RTKN2: variants seen among roughly 807,000 people sequenced by gnomAD.
RTKN2 encodes rhotekin 2, also known as rhotekin-2.
RTKN2 carries 69 observed loss-of-function variants against 71.5 expected under a neutral mutation model. The ratio of observed to expected loss-of-function variants is 0.96; its 90% confidence interval spans 0.79 to 1.18. The LOEUF is 1.18. Ranked by LOEUF, RTKN2 falls within the 50% of genes most tolerant of loss-of-function variation. The pLI is 0.00. For missense variants in RTKN2, 724 were observed against 719.7 expected (o/e 1.01, Z -0.07); for synonymous variants, 236 against 236.5 (o/e 1.00, Z 0.02).
chr10:62,240,432 T>TA lies in RTKN2; in HGVS notation c.371-668dup, dbSNP rs542151300. Among the ~76,000 whole-genome samples the TA allele has an allele frequency of 5.1e-4, 78 of 152,292 alleles. 3 individuals carry two copies. In the East Asian group the frequency reaches 0.011, roughly 21 times the overall value. ...TCTTTAGTAATCAGAAAGCTTTACT[T>TA]AATTCCCACATGTATTCCTTTGTAA... On this transcript the variant is annotated intron_variant, in intron 4 of 11. Transcript: ENST00000373789.
chr10:62,221,455 G>C (rs1048635183), intron 7 of RTKN2, among the ~76,000 whole-genome samples: 3 of 151,762 alleles, frequency 2.0e-5, no homozygotes, highest in Admixed American at 6.6e-5. Flanking sequence ...AATACGAAAG[G>C]ACTAAAAGCT....
At chr10:62,260,141 G>A (rs1204092215) in intron 2 of RTKN2, among the ~76,000 whole-genome samples, 2 of 151,986 alleles carry the variant, frequency 1.3e-5, no homozygotes, top group African/African-American at 4.8e-5. Flanking sequence ...CCACCTTAAG[G>A]ACTAACCAAA....
At position 62,195,839 on chromosome 10, in the gene RTKN2, C is replaced by T. The variant is rs993864811; in HGVS notation, c.*2069G>A. The stretch of plus-strand genomic sequence containing the variant: ...GAGGGGGTGGTGGTCCTTGCTCAGG[C>T]TTTTAAATGGTTCTAGGTAAAAAGG... On this transcript the variant is annotated 3_prime_UTR_variant, in exon 12 of 12. Coordinates refer to ENST00000373789, the MANE Select transcript of RTKN2 (RefSeq NM_145307.4). The T allele has an allele frequency of 4.7e-5, 46 of 985,236 alleles. No individual in the cohort carries two copies. The highest frequency in any genetic ancestry group is 6.2e-5 in the Admixed American group (1 of 16,230). 61.0% of individuals were successfully genotyped at this position (985,236 alleles called of 1,614,324 possible). A position where few individuals can be genotyped will look rare whatever the true frequency, so the allele number is the denominator to read the frequency against.
At chr10:62,232,880 ATAT>A (rs1312785312) in intron 6 of RTKN2, among the ~76,000 whole-genome samples, 1 of 152,006 alleles carries the variant, frequency 6.6e-6, no homozygotes, top group Admixed American at 6.5e-5. Context: ...TGGAGTTGAG[ATAT>A]TATTATGTAT....
rs983267561 is a variant in RTKN2 at position 62,268,612 on chromosome 10, T to C, written c.-2A>G. 2 of 1,562,046 alleles carry C rather than the reference T, an allele frequency of 1.3e-6. No homozygotes were observed. The highest frequency in any genetic ancestry group is 2.7e-5 in the African/African-American group (2 of 73,870). ...ACCCCTCAGGCTCGGCCCCTCCATC[T>C]CCAACGCGAACTGTCCGGGCCGTCG... On this transcript the variant is annotated 5_prime_UTR_variant, in exon 1 of 12. Coordinates refer to ENST00000373789, the MANE Select transcript of RTKN2 (RefSeq NM_145307.4).
chr10:62,198,454 T>A lies in RTKN2; in HGVS notation c.1295-11A>T. On this transcript the variant is annotated splice_polypyrimidine_tract_variant and intron_variant, in intron 11 of 11. Transcript: ENST00000373789. ...TAGGTGAATCAATGCCTATAATAAT[T>A]TTAAGAAAAAAAAACATGAAAAAAT... The A allele has an allele frequency of 7.0e-7, 1 of 1,429,120 alleles. No individual in the cohort carries two copies. Among genetic ancestry groups the A allele is most frequent in the South Asian group, 1.4e-5 (1 of 73,184 alleles). The allele number at this position is 1,429,120 out of a possible 1,614,324, so 88.5% of individuals were successfully genotyped here. A position where few individuals can be genotyped will look rare whatever the true frequency, so the allele number is the denominator to read the frequency against.
chr10:62,258,504 T>C lies in RTKN2; in HGVS notation c.257+4121A>G, dbSNP rs549104832. 1.2e-3 allele frequency among the ~76,000 whole-genome samples: 189 copies of C among 152,350 alleles called. 1 individual carries two copies. Among genetic ancestry groups the C allele is most frequent in the African/African-American group, 4.4e-3 (184 of 41,588 alleles). On this transcript the variant is annotated intron_variant, in intron 2 of 11. Transcript: ENST00000373789. ...TTCTTTATATGATCATTTCTATGTCTGCCTATTCTTAAATATTTTCCCTAA... is the reference window on the plus strand; with the variant it reads ...TTCTTTATATGATCATTTCTATGTCCGCCTATTCTTAAATATTTTCCCTAA...
intron 11 of RTKN2, among the ~76,000 whole-genome samples, chr10:62,199,289 A>C (rs1303266780): frequency 1.3e-5 from 2 of 152,236 alleles, no homozygotes; most frequent in Non-Finnish European, 2.9e-5. Flanking sequence ...CTAGAAATTT[A>C]AAATTTTCCA....
intron 6 of RTKN2, among the ~76,000 whole-genome samples, chr10:62,234,014 T>A (rs1197249404): frequency 6.6e-6 from 1 of 152,100 alleles, no homozygotes; most frequent in African/African-American, 2.4e-5. Flanking sequence ...AAAGAAGGTA[T>A]CTGAAGGAAA....
chr10:62,215,890 A>C (rs1195599927), intron 9 of RTKN2, among the ~76,000 whole-genome samples: 1 of 152,032 alleles, frequency 6.6e-6, no homozygotes, highest in Non-Finnish European at 1.5e-5. Flanking sequence ...TCAATTTTTC[A>C]TTAATAAAAT....
At chr10:62,185,185 A>G (rs1207858843) in intron 8 of RTKN2, among the ~76,000 whole-genome samples, 3 of 152,008 alleles carry the variant, frequency 2.0e-5, no homozygotes, top group Admixed American at 2.0e-4. Flanking sequence ...TATCAAAAAT[A>G]GGACCTCCAC....
intron 2 of RTKN2, among the ~76,000 whole-genome samples, chr10:62,256,022 C>CT (rs34518542): frequency 0.64 from 93,301 of 145,812 alleles, 29,759 homozygotes; most frequent in East Asian, 0.89. Context: ...AATCTAGACT[C>CT]TTTTTTTTTT....
intron 2 of RTKN2, among the ~76,000 whole-genome samples, chr10:62,254,028 G>A (rs775427112): frequency 2.0e-5 from 3 of 152,024 alleles, no homozygotes; most frequent in African/African-American, 4.8e-5. Context: ...TGGGAAGGAG[G>A]ACACAGAAAC....
At position 62,217,262 on chromosome 10, in the gene RTKN2, A is replaced by AG; in HGVS notation, c.889-14_889-13insC. The AG allele has an allele frequency of 6.6e-7, 1 of 1,524,048 alleles. No individual in the cohort carries two copies. Among genetic ancestry groups the AG allele is most frequent in the Non-Finnish European group, 8.8e-7 (1 of 1,138,632 alleles). 94.4% of individuals were successfully genotyped at this position (1,524,048 alleles called of 1,614,324 possible). ...CTTCTACCATTTGCTGAAAAAAAAA[A>AG]AAAAAAAATCAAGAGACTATCAATT... On this transcript the variant is annotated splice_polypyrimidine_tract_variant and intron_variant, in intron 8 of 11. Coordinates refer to ENST00000373789, the MANE Select transcript of RTKN2 (RefSeq NM_145307.4).
At position 62,198,236 on chromosome 10, in the gene RTKN2, T is replaced by C; in HGVS notation, c.1502A>G (p.Lys501Arg). The change falls in exon 12 of 12, where the codon AAG becomes AGG. Residue 501 changes from lysine (K) to arginine (R), a missense_variant. Physicochemically the swap from Lys to Arg is conservative, Grantham distance 26. Coordinates refer to ENST00000373789, the MANE Select transcript of RTKN2 (RefSeq NM_145307.4). ...SEPLHDEKGK[K>R]RQAPLPPSDK... The stretch of plus-strand genomic sequence containing the variant: ...AGAAGGAGGAAGGGGAGCTTGTCTC[T>C]TTTTCCCTTTTTCATCATGTAATGG... 6 of 1,613,874 alleles carry C rather than the reference T, an allele frequency of 3.7e-6. No individual in the cohort carries two copies. The highest frequency in any genetic ancestry group is 5.1e-6 in the Non-Finnish European group (6 of 1,179,850).
At chr10:62,192,536 T>A (rs867374515), downstream of RTKN2, among the ~76,000 whole-genome samples, 5 of 152,348 alleles carry the variant, frequency 3.3e-5, no homozygotes, top group Middle Eastern at 6.8e-3. Context: ...CTGGAATTAC[T>A]CAAAAGGGAA....
At chr10:62,240,589 A>G (rs911173212) in intron 4 of RTKN2, among the ~76,000 whole-genome samples, 3 of 152,326 alleles carry the variant, frequency 2.0e-5, no homozygotes, top group East Asian at 3.9e-4. Flanking sequence ...GACAAGAAAG[A>G]TAAAGTATTA....
Position 62,193,448 on chromosome 10 carries a change from A to T in RTKN2, c.*4460T>A, listed in dbSNP as rs1841262191. ...AAAAATGTTTGTTAAAATTTCTGTA[A>T]CTTTTTTTGTTGTTAATTGAATGTA... On this transcript the variant is annotated 3_prime_UTR_variant, in exon 12 of 12. Transcript: ENST00000373789. 1.0e-6 allele frequency: 1 copy of T among 982,544 alleles called. No individual in the cohort carries two copies. The highest frequency in any genetic ancestry group is 1.1e-4 in the East Asian group (1 of 8,796). The allele number at this position is 982,544 out of a possible 1,614,324, so 60.9% of individuals were successfully genotyped here.
In RTKN2 at chr10:62,196,122, G is replaced by T; in HGVS notation, c.*1786C>A. On this transcript the variant is annotated 3_prime_UTR_variant, in exon 12 of 12. Transcript: ENST00000373789. ...CATCTTCTAGCTCAATAATTTAGTG[G>T]CAATGACAGTCACAAATGCTGTCAA... 1 of 984,484 alleles carries T rather than the reference G, an allele frequency of 1.0e-6. No individual in the cohort carries two copies. Among genetic ancestry groups the T allele is most frequent in the African/African-American group, 1.7e-5 (1 of 57,262 alleles). The allele number at this position is 984,484 out of a possible 1,614,324, so 61.0% of individuals were successfully genotyped here.
Sources: allele counts gnomAD v4.1 joint callset (sites outside exome capture counted in the v4.1 genomes callset), GRCh38; gene constraint gnomAD v4.1.1; transcripts MANE v1.5; gene names NCBI Gene and HGNC (gene_info 2026-07-23, HGNC 2026-07-21).